The following DNMBP variants were observed in gnomAD, a reference collection of about 807,000 sequenced individuals.
DNMBP encodes dynamin-binding protein.
DNMBP carries 87 observed loss-of-function variants against 150.0 expected under a neutral mutation model. That is an observed-to-expected ratio of 0.58 (90% CI 0.49 to 0.69). The LOEUF is 0.69. Among genes scored for constraint, DNMBP ranks in the 30% least tolerant of loss-of-function variants. The pLI is 0.00. For synonymous variants in DNMBP, 711 were observed against 750.4 expected, an observed-to-expected ratio of 0.95 and a Z score of 0.86; for missense variants, 1,774 against 1,949.0, an observed-to-expected ratio of 0.91 and a Z score of 1.69.
chr10:99,945,681 A>G (rs1031278284), intron 4 of DNMBP, among the ~76,000 whole-genome samples: 2 of 152,254 alleles, frequency 1.3e-5, no homozygotes, highest in African/African-American at 2.4e-5. Context: ...AAAACCACCC[A>G]GTAATGTTTG....
In DNMBP at chr10:99,907,974, AAAC is replaced by A. The variant is rs1203342613; in HGVS notation, c.2554+18_2554+20del. 1 of 1,597,014 alleles carries A rather than the reference AAAC, an allele frequency of 6.3e-7. No individual in the cohort carries two copies. The highest frequency in any genetic ancestry group is 2.2e-5 in the East Asian group (1 of 44,818). ...AAGTTTTTTTAAAAAGCTGCTTCTGAAACAACACAGGAGCTCATACCTACAGCA... is the reference window on the plus strand; with the variant it reads ...AAGTTTTTTTAAAAAGCTGCTTCTGAAACACAGGAGCTCATACCTACAGCA... On this transcript the variant is annotated intron_variant, in intron 6 of 16. Transcript: ENST00000324109.
intron 4 of DNMBP, among the ~76,000 whole-genome samples, chr10:99,915,683 C>A (rs964268366): frequency 6.6e-6 from 1 of 152,250 alleles, no homozygotes; most frequent in Admixed American, 6.5e-5. Flanking sequence ...CCACTGCACA[C>A]CAGCCTGGAC....
chr10:99,953,849 G>T (rs1192626229), intron 4 of DNMBP, among the ~76,000 whole-genome samples: 1 of 147,834 alleles, frequency 6.8e-6, no homozygotes, highest in African/African-American at 2.5e-5. Flanking sequence ...CTACTCTCTG[G>T]ACAGCAAAGA....
At chr10:99,916,577 G>C (rs1457222416) in intron 4 of DNMBP, among the ~76,000 whole-genome samples, 1 of 152,026 alleles carries the variant, frequency 6.6e-6, no homozygotes, top group East Asian at 1.9e-4. Flanking sequence ...ATTTTATTAA[G>C]TCTTTTCATT....
chr10:99,967,812 G>A (rs1489635620), intron 3 of DNMBP, among the ~76,000 whole-genome samples: 2 of 151,970 alleles, frequency 1.3e-5, no homozygotes, highest in African/African-American at 4.8e-5. Context: ...TTTGATGACT[G>A]AGTCATCACA....
chr10:99,888,437 C>T (rs2039504948), intron 12 of DNMBP, among the ~76,000 whole-genome samples: 1 of 152,164 alleles, frequency 6.6e-6, no homozygotes, highest in Admixed American at 6.5e-5. Flanking sequence ...TCTTGAACTC[C>T]TGACCTCAAG....
intron 4 of DNMBP, chr10:99,930,495 C>A: frequency 2.8e-6 from 2 of 702,998 alleles, no homozygotes; most frequent in East Asian, 2.7e-5. Flanking sequence ...GTACACACAG[C>A]CCTTTCCACT....
intron 6 of DNMBP, among the ~76,000 whole-genome samples, chr10:99,906,134 G>A (rs1175309062): frequency 6.6e-6 from 1 of 152,068 alleles, no homozygotes; most frequent in East Asian, 1.9e-4. Flanking sequence ...CCCTTCAGGG[G>A]GCAGAACCCT....
At chr10:99,894,143 G>A (rs565431929) in intron 11 of DNMBP, among the ~76,000 whole-genome samples, 142 of 152,218 alleles carry the variant, frequency 9.3e-4, no homozygotes, top group African/African-American at 3.3e-3. Flanking sequence ...GCCAGGTGTG[G>A]TGGTGTGCAC....
intron 4 of DNMBP, among the ~76,000 whole-genome samples, chr10:99,934,627 G>A (rs1234600365): frequency 7.4e-6 from 1 of 136,044 alleles, no homozygotes; most frequent in African/African-American, 2.8e-5. Flanking sequence ...ATTAGCAGTA[G>A]GCTCCTTGTG....
intron 9 of DNMBP, among the ~76,000 whole-genome samples, chr10:99,896,793 T>G (rs541473289): frequency 2.4e-4 from 36 of 152,242 alleles, no homozygotes; most frequent in Non-Finnish European, 5.0e-4. Flanking sequence ...AAATGAGATA[T>G]TGATATCCAA....
At chr10:100,006,712 C>G (rs1229086886) in intron 1 of DNMBP, among the ~76,000 whole-genome samples, 3 of 151,868 alleles carry the variant, frequency 2.0e-5, no homozygotes, top group Non-Finnish European at 4.4e-5. Context: ...ACTGACTGGC[C>G]ACCATGACCT....
chr10:99,954,346 G>A (rs2040458445), intron 4 of DNMBP, among the ~76,000 whole-genome samples: 1 of 151,988 alleles, frequency 6.6e-6, no homozygotes, highest in Non-Finnish European at 1.5e-5. Context: ...CAAGGTTTGA[G>A]ATTCTTTATC....
At chr10:99,931,040 G>A in intron 4 of DNMBP, 2 of 340,454 alleles carry the variant, frequency 5.9e-6, no homozygotes, top group Non-Finnish European at 1.1e-5. Flanking sequence ...GCTTTGTTTG[G>A]TGTTTCCCTC....
At chr10:99,962,279 G>A (rs1467546032) in intron 3 of DNMBP, among the ~76,000 whole-genome samples, 8 of 152,204 alleles carry the variant, frequency 5.3e-5, no homozygotes, top group Admixed American at 5.2e-4. Flanking sequence ...TCTTGGTCCT[G>A]TATTTCTACA....
At chr10:99,955,181 G>C (rs1445921732) in intron 4 of DNMBP, 33 bp downstream of exon 4, 1 of 1,575,036 alleles carries the variant, frequency 6.3e-7, no homozygotes, top group Non-Finnish European at 8.7e-7. Flanking sequence ...TGAGTGTCAA[G>C]AAACAATTAC....
intron 1 of DNMBP, among the ~76,000 whole-genome samples, chr10:99,986,537 G>T (rs143953023): frequency 1.4e-5 from 2 of 142,152 alleles, no homozygotes; most frequent in South Asian, 4.6e-4. Context: ...ACTGCAAGGC[G>T]TGAGCTGAGA....
chr10:99,964,135 CTTTTTTTTTT>C (rs895801002), intron 3 of DNMBP, among the ~76,000 whole-genome samples: 4 of 87,224 alleles, frequency 4.6e-5, no homozygotes, highest in East Asian at 3.3e-4. Flanking sequence ...TATTCTCTCT[CTTTTTTTTTT>C]TTTTTTTTTT....
At chr10:99,883,919 C>G (rs78615379) in intron 15 of DNMBP, 92 bp downstream of exon 15, 3 of 1,220,640 alleles carry the variant, frequency 2.5e-6, no homozygotes, top group Admixed American at 2.3e-5. Context: ...ATACTTTTTG[C>G]TTTTTTTTCC....
Sources: gnomAD v4.1 joint callset for allele counts (sites outside exome capture counted in the v4.1 genomes callset) on GRCh38, gnomAD v4.1.1 for gene constraint, MANE v1.5 for transcripts, NCBI Gene and HGNC (gene_info 2026-07-23, HGNC 2026-07-21) for gene names.